Variants in AHCY observed in about 807,000 individuals in gnomAD.
AHCY encodes S-adenosyl-L-homocysteine hydrolase.
AHCY carries 24 observed loss-of-function variants against 45.4 expected under a neutral mutation model. The ratio of observed to expected loss-of-function variants is 0.53; its 90% CI spans 0.38 to 0.74. AHCY has a LOEUF of 0.74. Among genes scored for constraint, AHCY ranks in the 30% least tolerant of loss-of-function variants. AHCY has a pLI of 0.00. For synonymous variants in AHCY, 245 were observed against 235.1 expected (o/e 1.04, Z -0.39); for missense variants, 449 against 594.1 (o/e 0.76, Z 2.54).
At chr20:34,270,250 TA>T in the AHCY span, among the ~76,000 whole-genome samples, 647 of 139,780 alleles carry the variant, frequency 4.6e-3, 1 homozygote, top group Middle Eastern at 7.2e-3. Flanking sequence ...AAACTCTGGT[TA>T]AAAAAAAAAA....
rs911998040 is a variant in AHCY at position 34,293,702 on chromosome 20, T to C, written c.295+379A>G. On this transcript the variant is annotated intron_variant, in intron 3 of 9. Coordinates refer to ENST00000217426, the MANE Select transcript of AHCY (RefSeq NM_000687.4). ...CTCCATTCTCGTTAGACTTGGTCCT[T>C]CCTCAGTCCTTTAGACCGCCATACC... The C allele has an allele frequency of 4.2e-5, 15 of 360,302 alleles. 1 individual carries two copies. Among genetic ancestry groups the C allele is most frequent in the Admixed American group, 1.2e-4 (3 of 25,724 alleles). 22.3% of individuals were successfully genotyped at this position (360,302 alleles called of 1,614,324 possible).
intron 1 of AHCY, chr20:34,301,706 A>G: frequency 1.5e-6 from 1 of 652,728 alleles, no homozygotes; most frequent in Non-Finnish European, 1.9e-6. Flanking sequence ...ATCTCTCCAC[A>G]GTATGACAAG....
chr20:34,281,248 G>T, intron 9 of AHCY, 83 bp from the exon 10 acceptor site: 1 of 1,584,540 alleles, frequency 6.3e-7, no homozygotes. Flanking sequence ...AGAGGCAGAA[G>T]TGTTCTGTTA....
intron 2 of AHCY, 137 bp downstream of exon 2, chr20:34,295,258 G>T: frequency 1.9e-6 from 2 of 1,038,598 alleles, no homozygotes; most frequent in Non-Finnish European, 2.9e-6. Context: ...GGAGGAAACC[G>T]AGTGAGAGGG....
chr20:34,264,341 G>A, the AHCY span, among the ~76,000 whole-genome samples: 7 of 152,176 alleles, frequency 4.6e-5, no homozygotes, highest in Admixed American at 3.9e-4. Flanking sequence ...TTGCGAGTAC[G>A]TGCTTACAAC....
At chr20:34,245,548 T>C in the AHCY span, among the ~76,000 whole-genome samples, 1 of 151,268 alleles carries the variant, frequency 6.6e-6, no homozygotes, top group Non-Finnish European at 1.5e-5. Context: ...CCACCATGCC[T>C]GGCTAAATTT....
chr20:34,267,231 A>T, the AHCY span, among the ~76,000 whole-genome samples: 1 of 152,154 alleles, frequency 6.6e-6, no homozygotes. Flanking sequence ...ATAAATAGGT[A>T]AATAAATTCA....
chr20:34,291,294 C>A lies in AHCY; in HGVS notation c.558+125G>T, dbSNP rs1055470116. 2.9e-5 allele frequency: 26 copies of A among 911,462 alleles called. No homozygotes were observed. In the African/African-American group the frequency reaches 3.4e-4, roughly 12 times the overall value. 56.5% of individuals were successfully genotyped at this position (911,462 alleles called of 1,614,324 possible). ...ACGCACTCATTAGCCTGTCTATAACCGCTTTTGCCCCCTCAAATGAGGGCT... is the reference window on the plus strand; with the variant it reads ...ACGCACTCATTAGCCTGTCTATAACAGCTTTTGCCCCCTCAAATGAGGGCT... On this transcript the variant is annotated intron_variant, in intron 5 of 9. Transcript: ENST00000217426.
the AHCY span, chr20:34,262,837 A>C: frequency 6.2e-7 from 1 of 1,613,916 alleles, no homozygotes; most frequent in Non-Finnish European, 8.5e-7. Context: ...TGAAGCGCTG[A>C]ACAAGAAATC....
At chr20:34,253,928 AAGG>A in the AHCY span, among the ~76,000 whole-genome samples, 4 of 152,230 alleles carry the variant, frequency 2.6e-5, no homozygotes, top group Non-Finnish European at 4.4e-5. Context: ...ATGAATTTAA[AAGG>A]AGAACTGTCA....
At chr20:34,246,443 C>T in the AHCY span, 6 of 1,403,730 alleles carry the variant, frequency 4.3e-6, no homozygotes, top group South Asian at 5.9e-5. Flanking sequence ...ACAGACTCCA[C>T]AATAAAGGAC....
intron 1 of AHCY, among the ~76,000 whole-genome samples, chr20:34,297,623 A>G (rs1249594081): frequency 1.3e-5 from 2 of 152,058 alleles, no homozygotes; most frequent in Non-Finnish European, 2.9e-5. Flanking sequence ...AAGACCATAA[A>G]AGACACATAG....
chr20:34,307,441 T>C (rs1404683263), upstream of AHCY, among the ~76,000 whole-genome samples: 1 of 151,952 alleles, frequency 6.6e-6, no homozygotes, highest in Non-Finnish European at 1.5e-5. Context: ...GGCAAAATCT[T>C]GGCTCACTGC....
the AHCY span, among the ~76,000 whole-genome samples, chr20:34,235,899 A>G: frequency 0.011 from 688 of 64,330 alleles, 37 homozygotes; most frequent in African/African-American, 0.045. Flanking sequence ...GGAAGGAAGG[A>G]AAGGAAGGAA....
At chr20:34,233,104 T>G in the AHCY span, among the ~76,000 whole-genome samples, 1 of 151,696 alleles carries the variant, frequency 6.6e-6, no homozygotes, top group East Asian at 1.9e-4. Context: ...CACACCAACA[T>G]TTTTCATCTG....
chr20:34,291,035 G>T, intron 5 of AHCY, 97 bp from the exon 6 acceptor site: 1 of 1,236,782 alleles, frequency 8.1e-7, no homozygotes, highest in Non-Finnish European at 1.2e-6. Context: ...CAGGCATCAT[G>T]GGCCCACCAA....
chr20:34,267,375 A>G, the AHCY span, among the ~76,000 whole-genome samples: 1 of 151,100 alleles, frequency 6.6e-6, no homozygotes. Context: ...AGCGTCCAAT[A>G]GAAATACAAT....
At chr20:34,300,861 C>A (rs1169912268) in intron 1 of AHCY, among the ~76,000 whole-genome samples, 1 of 152,188 alleles carries the variant, frequency 6.6e-6, no homozygotes, top group Admixed American at 6.5e-5. Context: ...TGGAGACAGA[C>A]AAGTGGCAGA....
intron 1 of AHCY, among the ~76,000 whole-genome samples, chr20:34,298,816 T>C (rs1568811279): frequency 6.6e-6 from 1 of 152,276 alleles, no homozygotes; most frequent in East Asian, 1.9e-4. Context: ...TAGATAGCAG[T>C]AGTAAATTAG....
Sources: gnomAD v4.1 joint callset for allele counts (sites outside exome capture counted in the v4.1 genomes callset) on GRCh38, gnomAD v4.1.1 for gene constraint, MANE v1.5 for transcripts, NCBI Gene and HGNC (gene_info 2026-07-23, HGNC 2026-07-21) for gene names.